The following CWF19L2 variants were observed in gnomAD, a reference collection of about 807,000 sequenced individuals.
CWF19L2 encodes CWF19 like cell cycle control factor 2, also known as CWF19-like protein 2.
A neutral mutation model predicts 111.7 loss-of-function variants in CWF19L2; 98 were observed. The observed-to-expected ratio is 0.88, with a 90% CI of 0.75 to 1.04. The LOEUF (loss-of-function observed/expected upper bound fraction) is 1.04. Among genes scored for constraint, CWF19L2 ranks in the 50% least tolerant of loss-of-function variants. The pLI is 0.00. For synonymous variants in CWF19L2, 351 were observed against 342.9 expected (o/e 1.02, Z -0.26); for missense variants, 1,101 against 1,051.4 (o/e 1.05, Z -0.65).
At chr11:107,341,328 T>C (rs1860002155) in intron 14 of CWF19L2, among the ~76,000 whole-genome samples, 1 of 152,218 alleles carries the variant, frequency 6.6e-6, no homozygotes, top group South Asian at 2.1e-4. Flanking sequence ...TTATCATAAA[T>C]GAGTAGGAAT....
At chr11:107,455,570 T>C (rs1408955281) in intron 2 of CWF19L2, 96 bp downstream of exon 2, 2 of 688,764 alleles carry the variant, frequency 2.9e-6, no homozygotes, top group Non-Finnish European at 4.7e-6. Flanking sequence ...TTGTAACTTA[T>C]GAAAACATTC....
At position 107,442,735 on chromosome 11, in the gene CWF19L2, AAAGGAAGGAAGGAAGG is replaced by A. The variant is rs761215951; in HGVS notation, c.450+188_450+203del. On this transcript the variant is annotated intron_variant, in intron 4 of 17. Transcript: ENST00000282251. ...GAGAGAGAGAGAAAGAGAAAGAAAGAAAGGAAGGAAGGAAGGAAGGAAGGAAGGAAGGAAGGAAGGA... is the reference window on the plus strand; with the variant it reads ...GAGAGAGAGAGAAAGAGAAAGAAAGAAAGGAAGGAAGGAAGGAAGGAAGGA... Among the ~76,000 whole-genome samples, 151 of 73,122 alleles carry A rather than the reference AAAGGAAGGAAGGAAGG, an allele frequency of 2.1e-3. 3 individuals carry two copies. The highest frequency in any genetic ancestry group is 4.0e-3 in the Admixed American group (24 of 5,998). 48.0% of individuals were successfully genotyped at this position (73,122 alleles called of 152,430 possible).
At chr11:107,337,555 G>A (rs1420756305) in intron 14 of CWF19L2, among the ~76,000 whole-genome samples, 4 of 152,142 alleles carry the variant, frequency 2.6e-5, no homozygotes, top group Non-Finnish European at 5.9e-5. Flanking sequence ...GGAACAGGCT[G>A]AAGGCTGGAT....
chr11:107,389,562 T>C (rs1031758851), intron 12 of CWF19L2, among the ~76,000 whole-genome samples: 1 of 152,188 alleles, frequency 6.6e-6, no homozygotes, highest in Non-Finnish European at 1.5e-5. Context: ...AGAATGCTAT[T>C]TGAAACAAAA....
intron 2 of CWF19L2, 100 bp downstream of exon 2, chr11:107,455,566 C>T: frequency 1.5e-6 from 1 of 657,076 alleles, no homozygotes; most frequent in Non-Finnish European, 2.5e-6. Flanking sequence ...CATTTTGTAA[C>T]TTATGAAAAC....
intron 12 of CWF19L2, among the ~76,000 whole-genome samples, chr11:107,380,312 C>T (rs945068363): frequency 1.3e-5 from 2 of 152,104 alleles, no homozygotes; most frequent in African/African-American, 4.8e-5. Flanking sequence ...CCTTCAAGCT[C>T]CAAGCCCTTA....
chr11:107,327,031 T>G lies in CWF19L2; in HGVS notation c.2564A>C (p.Asp855Ala). 5.6e-6 allele frequency: 9 copies of G among 1,607,348 alleles called. No homozygotes were observed. The highest frequency in any genetic ancestry group is 5.9e-6 in the Non-Finnish European group (7 of 1,177,548). ...TTTCCTCCAAAGTCTTGGTTCTATA[T>G]CCAGCATCCCACCTATGATTTCCTT... ...FGKEIIGGMLDIEPRLWRKGI... is the reference protein window; with the variant it reads ...FGKEIIGGMLAIEPRLWRKGI... Residue 855 changes from aspartate to alanine, a missense_variant, in exon 18 of 18, where the codon GAT becomes GCT. Coordinates refer to ENST00000282251, the MANE Select transcript of CWF19L2 (RefSeq NM_152434.3).
rs1861824459 is a variant in CWF19L2 at position 107,454,469 on chromosome 11, T to A, written c.320A>T (p.Glu107Val). ...SKKQKYEKNNESSDSSSSSED... is the reference protein window; with the variant it reads ...SKKQKYEKNNVSSDSSSSSED... ...ACTTACTGATGAGCTATCAGATGAC[T>A]CATTGTTTTTTTCATATTTCTGTTT... The change falls in exon 3 of 18, where the codon GAG becomes GTG. Residue 107 changes from glutamate (E) to valine (V), a missense_variant. Coordinates refer to ENST00000282251, the MANE Select transcript of CWF19L2 (RefSeq NM_152434.3). 1 of 1,451,098 alleles carries A rather than the reference T, an allele frequency of 6.9e-7. No individual in the cohort carries two copies. The highest frequency in any genetic ancestry group is 1.5e-5 in the African/African-American group (1 of 68,446). The allele number at this position is 1,451,098 out of a possible 1,614,324, so 89.9% of individuals were successfully genotyped here.
chr11:107,327,982 T>C (rs1859787126), intron 17 of CWF19L2, among the ~76,000 whole-genome samples: 1 of 152,086 alleles, frequency 6.6e-6, no homozygotes, highest in Admixed American at 6.6e-5. Context: ...ATGCCGTATG[T>C]TGTAGGGGAT....
chr11:107,440,060 A>G (rs1861600238), intron 5 of CWF19L2, among the ~76,000 whole-genome samples: 1 of 152,150 alleles, frequency 6.6e-6, no homozygotes, highest in Admixed American at 6.5e-5. Context: ...GTAATGTGTG[A>G]CGCGGCCATG....
intron 5 of CWF19L2, among the ~76,000 whole-genome samples, chr11:107,440,692 A>G (rs566198500): frequency 6.6e-6 from 1 of 152,348 alleles, no homozygotes; most frequent in South Asian, 2.1e-4. Context: ...AGGATTGAAA[A>G]CATAAATAAC....
intron 10 of CWF19L2, among the ~76,000 whole-genome samples, chr11:107,410,363 C>A (rs978753955): frequency 6.6e-6 from 1 of 152,012 alleles, no homozygotes; most frequent in Non-Finnish European, 1.5e-5. Context: ...AGAATTCTTT[C>A]AGAATTTTTG....
chr11:107,405,990 A>C (rs984612924), intron 10 of CWF19L2, among the ~76,000 whole-genome samples: 56 of 152,296 alleles, frequency 3.7e-4, no homozygotes, highest in African/African-American at 1.3e-3. Context: ...GAAGTAAAGC[A>C]AAGGAAACAA....
chr11:107,383,316 A>C (rs915225813), intron 12 of CWF19L2, among the ~76,000 whole-genome samples: 1 of 152,088 alleles, frequency 6.6e-6, no homozygotes, highest in Non-Finnish European at 1.5e-5. Flanking sequence ...CTCCAGGTAG[A>C]CAGTGTTGGA....
chr11:107,416,413 T>A (rs520729), intron 9 of CWF19L2, 115 bp from the exon 10 acceptor site: 200,877 of 382,872 alleles, frequency 0.52, 55,205 homozygotes, highest in African/African-American at 0.79. Flanking sequence ...TCATGTAGCC[T>A]TCATCTAATT....
At chr11:107,356,465 AT>A (rs1220549975) in intron 12 of CWF19L2, among the ~76,000 whole-genome samples, 1 of 152,048 alleles carries the variant, frequency 6.6e-6, no homozygotes, top group Non-Finnish European at 1.5e-5. Flanking sequence ...CTAGCAATTT[AT>A]TTTTTTCTTC....
chr11:107,449,148 A>G (rs1365722659), intron 3 of CWF19L2, among the ~76,000 whole-genome samples: 1 of 151,602 alleles, frequency 6.6e-6, no homozygotes, highest in Admixed American at 6.6e-5. Flanking sequence ...AAAAAAAAAA[A>G]AAAAAAGAAA....
At chr11:107,327,218 T>C (rs1052808167) in intron 17 of CWF19L2, among the ~76,000 whole-genome samples, 165 bp from the exon 18 acceptor site, 2 of 152,208 alleles carry the variant, frequency 1.3e-5, no homozygotes, top group Non-Finnish European at 2.9e-5. Flanking sequence ...TTCAGTTAAT[T>C]CTAACTAGGC....
In CWF19L2 at chr11:107,404,046, T is replaced by C. The variant is rs180822604; in HGVS notation, c.1618-11151A>G. ...TGATGGTTTCACTAAAAACCCATCA[T>C]CATAATCATCTGGATCTTCAGCAGA... On this transcript the variant is annotated intron_variant, in intron 10 of 17. Coordinates refer to ENST00000282251, the MANE Select transcript of CWF19L2 (RefSeq NM_152434.3). 3.0e-5 allele frequency: 23 copies of C among 769,838 alleles called. No individual in the cohort carries two copies. In the East Asian group the frequency reaches 5.1e-4, roughly 17 times the overall value. 47.7% of individuals were successfully genotyped at this position (769,838 alleles called of 1,614,324 possible). A position where few individuals can be genotyped will look rare whatever the true frequency, so the allele number is the denominator to read the frequency against.
Sources: gnomAD v4.1 joint callset for allele counts (sites outside exome capture counted in the v4.1 genomes callset) on GRCh38, gnomAD v4.1.1 for gene constraint, MANE v1.5 for transcripts, NCBI Gene and HGNC (gene_info 2026-07-23, HGNC 2026-07-21) for gene names.